GPR89B: variants seen among roughly 807,000 people sequenced by gnomAD.
GPR89B encodes the protein golgi pH regulator B.
GPR89B carries 25 observed loss-of-function variants against 52.4 expected under a neutral mutation model. The observed-to-expected ratio is 0.48, with a 90% CI of 0.35 to 0.67. The LOEUF is 0.67. Among genes scored for constraint, GPR89B ranks in the 30% least tolerant of loss-of-function variants. The probability of loss-of-function intolerance (pLI) is 0.01; values close to 1 mark genes in which losing one functional copy is unlikely to be tolerated. For missense variants in GPR89B, 146 were observed against 450.2 expected, an observed-to-expected ratio of 0.32 and a Z score of 6.11; for synonymous variants, 52 against 151.2, an observed-to-expected ratio of 0.34 and a Z score of 4.81.
At chr1:147,949,404 TC>T (rs1655322871) in intron 5 of GPR89B, among the ~76,000 whole-genome samples, 1 of 119,406 alleles carries the variant, frequency 8.4e-6, no homozygotes, top group Non-Finnish European at 1.7e-5. Flanking sequence ...CCCCCCCACC[TC>T]CCTCCCGGAC....
the GPR89B span, among the ~76,000 whole-genome samples, chr1:148,000,711 ATGGTAC>A: frequency 6.7e-6 from 1 of 148,260 alleles, no homozygotes; most frequent in African/African-American, 2.5e-5. Context: ...AGCAAGACAG[ATGGTAC>A]TTAGAAGGCC....
At chr1:147,947,230 C>T (rs587736462) in intron 5 of GPR89B, among the ~76,000 whole-genome samples, 144 of 151,744 alleles carry the variant, frequency 9.5e-4, no homozygotes, top group African/African-American at 3.0e-3. Flanking sequence ...AGCTACTCCC[C>T]GGAGGCCGGA....
intron 10 of GPR89B, among the ~76,000 whole-genome samples, chr1:147,979,335 T>A (rs1365770555): frequency 1.3e-5 from 2 of 152,158 alleles, no homozygotes; most frequent in African/African-American, 4.8e-5. Flanking sequence ...AATTAAGTTG[T>A]TCCTTTCCCC....
intron 7 of GPR89B, among the ~76,000 whole-genome samples, chr1:147,959,635 T>C (rs1483005336): frequency 6.6e-6 from 1 of 151,766 alleles, no homozygotes; most frequent in African/African-American, 2.4e-5. Flanking sequence ...ATTTTGGAAA[T>C]GAGGGAAATG....
intron 2 of GPR89B, among the ~76,000 whole-genome samples, chr1:147,938,174 TTCCTAATTAGTTC>T (rs782752485): frequency 1.2e-4 from 19 of 152,288 alleles, no homozygotes; most frequent in Non-Finnish European, 2.4e-4. Flanking sequence ...GACTCGACAT[TTCCTAATTAGTTC>T]TCCTAATTAG....
At chr1:147,957,865 C>A (rs1361167456) in intron 7 of GPR89B, among the ~76,000 whole-genome samples, 1 of 151,878 alleles carries the variant, frequency 6.6e-6, no homozygotes, top group African/African-American at 2.4e-5. Context: ...GAGATCAAGA[C>A]CATCCTGGCT....
At chr1:147,942,400 T>C (rs1553249082) in intron 3 of GPR89B, among the ~76,000 whole-genome samples, 1 of 150,670 alleles carries the variant, frequency 6.6e-6, no homozygotes, top group Admixed American at 6.6e-5. Flanking sequence ...TGGGAAACAG[T>C]GGGAGTGCCT....
intron 7 of GPR89B, among the ~76,000 whole-genome samples, chr1:147,958,675 G>C (rs1656307513): frequency 6.6e-6 from 1 of 150,780 alleles, no homozygotes; most frequent in African/African-American, 2.4e-5. Context: ...CCCATGTCAA[G>C]TGTGGATACA....
At chr1:148,021,398 A>C in the GPR89B span, among the ~76,000 whole-genome samples, 1 of 151,998 alleles carries the variant, frequency 6.6e-6, no homozygotes, top group Non-Finnish European at 1.5e-5. Flanking sequence ...GCTACTCAGG[A>C]GGCCGAGGCG....
At chr1:147,963,966 T>A (rs1656835500) in intron 7 of GPR89B, among the ~76,000 whole-genome samples, 1 of 152,130 alleles carries the variant, frequency 6.6e-6, no homozygotes, top group South Asian at 2.1e-4. Flanking sequence ...TATATATACA[T>A]TTTTGAAATG....
intron 7 of GPR89B, among the ~76,000 whole-genome samples, chr1:147,955,280 A>G (rs1656035375): frequency 2.6e-5 from 4 of 152,222 alleles, no homozygotes; most frequent in Admixed American, 2.0e-4. Flanking sequence ...CATGTATGCC[A>G]TATTTTCTTT....
downstream of GPR89B, chr1:147,994,166 G>A: frequency 7.3e-7 from 1 of 1,368,288 alleles, no homozygotes. Context: ...AATCACACAT[G>A]GTGAATGGTT....
intron 11 of GPR89B, among the ~76,000 whole-genome samples, chr1:147,986,719 CT>C (rs1658695410): frequency 6.6e-6 from 1 of 151,722 alleles, no homozygotes; most frequent in Admixed American, 6.6e-5. Flanking sequence ...AATTAGTGTT[CT>C]GTGTTAGAGC....
intron 1 of GPR89B, among the ~76,000 whole-genome samples, chr1:147,936,016 A>G (rs1382223604): frequency 6.0e-4 from 91 of 152,068 alleles, no homozygotes; most frequent in Admixed American, 3.1e-3. Context: ...TCTCACTCTG[A>G]CACCTTTTCT....
At chr1:147,934,181 G>A (rs1653888800) in intron 1 of GPR89B, among the ~76,000 whole-genome samples, 5 of 150,538 alleles carry the variant, frequency 3.3e-5, no homozygotes, top group Admixed American at 3.3e-4. Context: ...TTTTTTGTTT[G>A]TTTGTTTTGT....
intron 3 of GPR89B, among the ~76,000 whole-genome samples, chr1:147,939,998 T>C (rs1558035550): frequency 6.7e-6 from 1 of 150,274 alleles, no homozygotes; most frequent in Non-Finnish European, 1.5e-5. Context: ...AAAAAAAGAG[T>C]GAGAGAGAGA....
At chr1:148,012,526 C>G in the GPR89B span, among the ~76,000 whole-genome samples, 154 of 148,700 alleles carry the variant, frequency 1.0e-3, 1 homozygote, top group Middle Eastern at 0.01. Flanking sequence ...GCCCCCTCCT[C>G]TTTTTCAGTG....
At position 147,937,077 on chromosome 1, in the gene GPR89B, TC is replaced by T. The variant is rs587651759; in HGVS notation, c.102+395del. ...ATCCCAAGGCTATCAGGGGAACCAG[TC>T]CCCAATATTTCAACATAGGTTCTTT... On this transcript the variant is annotated intron_variant, in intron 2 of 13. Coordinates refer to ENST00000314163, the MANE Select transcript of GPR89B (RefSeq NM_016334.5). Among the ~76,000 whole-genome samples, 20 of 152,200 alleles carry T rather than the reference TC, an allele frequency of 1.3e-4. No homozygotes were observed. In the South Asian group the frequency reaches 4.2e-3, roughly 32 times the overall value.
intron 10 of GPR89B, among the ~76,000 whole-genome samples, chr1:147,972,638 G>T (rs1657555187): frequency 6.6e-6 from 1 of 151,476 alleles, no homozygotes; most frequent in Non-Finnish European, 1.5e-5. Context: ...TGAATTATCT[G>T]TTCAAATCTT....
Sources: allele counts gnomAD v4.1 joint callset (sites outside exome capture counted in the v4.1 genomes callset), GRCh38; gene constraint gnomAD v4.1.1; transcripts MANE v1.5; gene names NCBI Gene and HGNC (gene_info 2026-07-23, HGNC 2026-07-21).